The following TENM3 variants were observed in gnomAD, a reference collection of about 807,000 sequenced individuals.
TENM3 encodes teneurin transmembrane protein 3, also known as teneurin-3.
In TENM3, 63 loss-of-function variants were observed where a neutral mutation model predicts 255.1. The ratio of observed to expected loss-of-function variants is 0.25; its 90% confidence interval spans 0.20 to 0.30. TENM3 has a LOEUF of 0.30. TENM3 is among the 10% of genes least tolerant of loss of function. The pLI is 1.00. For missense variants in TENM3, 2,929 were observed against 3,461.1 expected (o/e 0.85, Z 3.86); for synonymous variants, 1,306 against 1,322.3 (o/e 0.99, Z 0.27).
At chr4:182,352,120 C>G (rs939618079) in intron 3 of TENM3, among the ~76,000 whole-genome samples, 1 of 149,874 alleles carries the variant, frequency 6.7e-6, no homozygotes, top group African/African-American at 2.5e-5. Flanking sequence ...TCCTTCCTTA[C>G]CCCACCCCAC....
the TENM3 span, among the ~76,000 whole-genome samples, chr4:182,107,938 A>G: frequency 1.2e-4 from 18 of 152,336 alleles, no homozygotes; most frequent in East Asian, 2.7e-3. Flanking sequence ...TAGCATTTTC[A>G]AGGAGCGTAA....
chr4:182,246,358 C>T (rs1056641897), intron 1 of TENM3, among the ~76,000 whole-genome samples: 2 of 150,236 alleles, frequency 1.3e-5, no homozygotes, highest in Non-Finnish European at 3.0e-5. Context: ...CCCACCCCCG[C>T]CCCTCAGGAA....
intron 1 of TENM3, among the ~76,000 whole-genome samples, chr4:182,218,782 T>A (rs564892913): frequency 6.6e-6 from 1 of 152,320 alleles, no homozygotes; most frequent in African/African-American, 2.4e-5. Flanking sequence ...GCAAACATAA[T>A]GTATAAGAAG....
At chr4:182,089,304 G>A in the TENM3 span, among the ~76,000 whole-genome samples, 1 of 152,172 alleles carries the variant, frequency 6.6e-6, no homozygotes, top group Non-Finnish European at 1.5e-5. Flanking sequence ...CATAGCTATG[G>A]AGTTGTGCCA....
At chr4:181,839,174 T>A in the TENM3 span, among the ~76,000 whole-genome samples, 1 of 150,160 alleles carries the variant, frequency 6.7e-6, no homozygotes, top group Non-Finnish European at 1.5e-5. Context: ...TATGGGAAAG[T>A]TCTACTATCA....
the TENM3 span, among the ~76,000 whole-genome samples, chr4:182,122,079 C>T: frequency 2.0e-5 from 3 of 152,236 alleles, no homozygotes; most frequent in Non-Finnish European, 2.9e-5. Context: ...CCATAAGAAG[C>T]AACTCCTTAT....
the TENM3 span, among the ~76,000 whole-genome samples, chr4:181,628,099 AT>A: frequency 1.8e-4 from 27 of 152,146 alleles, no homozygotes; most frequent in East Asian, 4.8e-3. Context: ...GATGATGAGC[AT>A]TTTTTCATGT....
Position 182,620,290 on chromosome 4 carries a change from A to G in TENM3, c.750-8361A>G, listed in dbSNP as rs369595489. 3.5e-4 allele frequency among the ~76,000 whole-genome samples: 54 copies of G among 152,354 alleles called. 1 individual carries two copies. The highest frequency in any genetic ancestry group is 1.2e-3 in the African/African-American group (49 of 41,578). ...GTTAAATATTTGTAGAGTCCTAAAC[A>G]TAAAGTAACCATTGTGTTGGACCTT... On this transcript the variant is annotated intron_variant, in intron 4 of 27. Coordinates refer to ENST00000511685, the MANE Select transcript of TENM3 (RefSeq NM_001080477.4).
At chr4:181,757,397 G>C in the TENM3 span, among the ~76,000 whole-genome samples, 2 of 152,154 alleles carry the variant, frequency 1.3e-5, no homozygotes, top group Non-Finnish European at 2.9e-5. Context: ...ATTGCATGCT[G>C]TCATATTTCT....
At chr4:182,621,744 AATATAT>A (rs1357613050) in intron 4 of TENM3, among the ~76,000 whole-genome samples, 1 of 25,450 alleles carries the variant, frequency 3.9e-5, no homozygotes, top group Non-Finnish European at 9.3e-5. Flanking sequence ...TATAATATAT[AATATAT>A]TATAATATAT....
chr4:182,267,372 G>T (rs1008571327), intron 1 of TENM3, among the ~76,000 whole-genome samples: 1 of 152,082 alleles, frequency 6.6e-6, no homozygotes, highest in Non-Finnish European at 1.5e-5. Flanking sequence ...TTTGTAACAG[G>T]ACACAATTGG....
At chr4:182,352,955 G>C (rs944491343) in intron 3 of TENM3, among the ~76,000 whole-genome samples, 1 of 152,142 alleles carries the variant, frequency 6.6e-6, no homozygotes, top group South Asian at 2.1e-4. Context: ...ATAGGTGAGA[G>C]AGTGAGGAAA....
the TENM3 span, among the ~76,000 whole-genome samples, chr4:181,964,323 A>T: frequency 1.1e-4 from 16 of 152,200 alleles, no homozygotes; most frequent in Non-Finnish European, 1.3e-4. Context: ...GGGTAATTTT[A>T]CAAAGCTTTT....
the TENM3 span, among the ~76,000 whole-genome samples, chr4:181,457,121 AG>A: frequency 6.6e-6 from 1 of 151,912 alleles, no homozygotes; most frequent in African/African-American, 2.4e-5. Flanking sequence ...CAAACCTAAT[AG>A]GGAGAGTTTA....
chr4:181,605,571 A>AAG, the TENM3 span, among the ~76,000 whole-genome samples: 5 of 29,126 alleles, frequency 1.7e-4, no homozygotes, highest in Non-Finnish European at 3.6e-4. Context: ...AGAAAGAAAG[A>AAG]GAGAGAAAGA....
At chr4:181,940,515 A>T in the TENM3 span, among the ~76,000 whole-genome samples, 1 of 152,262 alleles carries the variant, frequency 6.6e-6, no homozygotes, top group African/African-American at 2.4e-5. Context: ...TAACCATAAT[A>T]AATAAACTAT....
chr4:182,102,389 T>C, the TENM3 span, among the ~76,000 whole-genome samples: 1 of 152,178 alleles, frequency 6.6e-6, no homozygotes, highest in African/African-American at 2.4e-5. Context: ...CTTCGTTGAT[T>C]TGCTAGACTT....
In TENM3 at chr4:182,802,975, G is replaced by C. The variant is rs748189701; in HGVS notation, c.*2624G>C. The C allele has an allele frequency of 6.6e-6, 1 of 152,488 alleles. No homozygotes were observed. The highest frequency in any genetic ancestry group is 1.5e-5 in the Non-Finnish European group (1 of 68,020). The allele number at this position is 152,488 out of a possible 1,614,324, so 9.4% of individuals were successfully genotyped here. A position where few individuals can be genotyped will look rare whatever the true frequency, so the allele number is the denominator to read the frequency against. Reference sequence around the variant, plus strand: ...ATGTGACCTGAATTTTCCATAACTTGATGACTATAGATTGCACCTAGGCAT... The same window carrying C: ...ATGTGACCTGAATTTTCCATAACTTCATGACTATAGATTGCACCTAGGCAT... On this transcript the variant is annotated 3_prime_UTR_variant, in exon 28 of 28. Transcript: ENST00000511685.
At chr4:182,348,176 T>C (rs1764955384) in intron 3 of TENM3, among the ~76,000 whole-genome samples, 1 of 152,092 alleles carries the variant, frequency 6.6e-6, no homozygotes, top group African/African-American at 2.4e-5. Context: ...ATATACTCAA[T>C]ATCTTCATTT....
Sources: gnomAD v4.1 joint callset for allele counts (sites outside exome capture counted in the v4.1 genomes callset) on GRCh38, gnomAD v4.1.1 for gene constraint, MANE v1.5 for transcripts, NCBI Gene and HGNC (gene_info 2026-07-23, HGNC 2026-07-21) for gene names.